LIPA: variants seen among roughly 807,000 people sequenced by gnomAD.
The protein encoded by LIPA is lysosomal acid lipase/cholesteryl ester hydrolase.
A neutral mutation model predicts 40.6 loss-of-function variants in LIPA; 26 were observed. The ratio of observed to expected loss-of-function variants is 0.64; its 90% CI spans 0.47 to 0.89. LIPA has a LOEUF of 0.89. LIPA is among the 40% of genes least tolerant of loss of function. The pLI is 0.00. For missense variants in LIPA, 455 were observed against 479.6 expected (o/e 0.95, Z 0.48); for synonymous variants, 188 against 168.4 (o/e 1.12, Z -0.90).
At chr10:89,286,471 C>T (rs539402614) in intron 1 of LIPA, among the ~76,000 whole-genome samples, 1 of 152,328 alleles carries the variant, frequency 6.6e-6, no homozygotes, top group Admixed American at 6.5e-5. Flanking sequence ...CCCTCCCGGA[C>T]CTGCCCAGCA....
chr10:89,383,141 G>A (rs1056682420), intron 2 of LIPA, among the ~76,000 whole-genome samples: 2 of 152,172 alleles, frequency 1.3e-5, no homozygotes, highest in Non-Finnish European at 2.9e-5. Context: ...TTTCCCCTTG[G>A]TTTTTATGTC....
chr10:89,316,852 G>A (rs935673377), intron 1 of LIPA, among the ~76,000 whole-genome samples: 2 of 152,128 alleles, frequency 1.3e-5, no homozygotes, highest in African/African-American at 2.4e-5. Flanking sequence ...CACCTCATAC[G>A]GCAGAGTGCA....
At chr10:89,354,297 C>T (rs1027484449) in intron 2 of LIPA, among the ~76,000 whole-genome samples, 6 of 152,284 alleles carry the variant, frequency 3.9e-5, no homozygotes, top group South Asian at 4.1e-4. Flanking sequence ...ACCAAATCAA[C>T]GTACATCTTA....
intron 1 of LIPA, among the ~76,000 whole-genome samples, chr10:89,300,663 G>A (rs955563495): frequency 2.6e-5 from 4 of 152,300 alleles, no homozygotes; most frequent in South Asian, 4.1e-4. Context: ...GAATGTCAGA[G>A]GAGATAAAGT....
intron 3 of LIPA, among the ~76,000 whole-genome samples, chr10:89,232,157 C>T (rs1320414208): frequency 6.6e-6 from 1 of 152,106 alleles, no homozygotes; most frequent in Non-Finnish European, 1.5e-5. Flanking sequence ...CTACAGGCAC[C>T]ATCATCATCT....
At chr10:89,371,891 G>T (rs947601246) in intron 2 of LIPA, among the ~76,000 whole-genome samples, 1 of 152,110 alleles carries the variant, frequency 6.6e-6, no homozygotes, top group South Asian at 2.1e-4. Flanking sequence ...GGACAAGATC[G>T]TGTCCTTTGC....
At chr10:89,264,719 T>C (rs535382495) in intron 1 of LIPA, among the ~76,000 whole-genome samples, 1 of 152,314 alleles carries the variant, frequency 6.6e-6, no homozygotes, top group South Asian at 2.1e-4. Context: ...TGCTGATTGG[T>C]CCATGGGCGG....
At chr10:89,247,717 A>T in intron 1 of LIPA, 68 bp from the exon 2 acceptor site, 1 of 1,098,534 alleles carries the variant, frequency 9.1e-7, no homozygotes, top group Non-Finnish European at 1.4e-6. Flanking sequence ...TGGTAACTTA[A>T]TGCTCCCACA....
intron 1 of LIPA, among the ~76,000 whole-genome samples, chr10:89,266,678 TA>T (rs952981946): frequency 3.3e-5 from 5 of 152,280 alleles, no homozygotes; most frequent in Non-Finnish European, 5.9e-5. Context: ...GGGGGCTTTA[TA>T]AAAAAATGTT....
At chr10:89,383,636 T>A (rs145516804) in intron 2 of LIPA, 2 of 1,614,094 alleles carry the variant, frequency 1.2e-6, no homozygotes, top group East Asian at 4.5e-5. Context: ...TATTACCACA[T>A]GGGCAGATTG....
chr10:89,382,680 A>G (rs1442271792), intron 2 of LIPA, among the ~76,000 whole-genome samples: 1 of 152,226 alleles, frequency 6.6e-6, no homozygotes, highest in East Asian at 1.9e-4. Flanking sequence ...TGTCCCCATC[A>G]GTAAGGCTGC....
At chr10:89,358,942 AAATTATTGAGATGATGGACATCCC>A (rs1245559873) in intron 2 of LIPA, among the ~76,000 whole-genome samples, 1 of 152,260 alleles carries the variant, frequency 6.6e-6, no homozygotes, top group Non-Finnish European at 1.5e-5. Flanking sequence ...AAGAAAAAAT[AAATTATTGAGATGATGGACATCCC>A]AATTACCCTG....
chr10:89,395,639 C>T (rs1320583585), intron 2 of LIPA, among the ~76,000 whole-genome samples: 1 of 152,098 alleles, frequency 6.6e-6, no homozygotes, highest in Non-Finnish European at 1.5e-5. Flanking sequence ...AACAAGTTTC[C>T]TATAAAAGGG....
intron 2 of LIPA, among the ~76,000 whole-genome samples, chr10:89,353,197 T>A (rs1483396131): frequency 2.0e-5 from 3 of 152,150 alleles, no homozygotes; most frequent in Non-Finnish European, 2.9e-5. Context: ...CATCTCCCAA[T>A]AGAAATACCT....
At chr10:89,355,202 G>A (rs202060704) in intron 2 of LIPA, among the ~76,000 whole-genome samples, 21 of 152,158 alleles carry the variant, frequency 1.4e-4, no homozygotes, top group African/African-American at 5.1e-4. Flanking sequence ...TTCAGTCTCC[G>A]CTCCTCCCCA....
intron 1 of LIPA, among the ~76,000 whole-genome samples, chr10:89,294,915 C>T (rs1484064357): frequency 2.0e-5 from 3 of 151,178 alleles, no homozygotes; most frequent in Middle Eastern, 3.2e-3. Context: ...GAGGTCAAGG[C>T]GACAGTGAGC....
At chr10:89,304,274 C>T (rs1843463824) in intron 1 of LIPA, among the ~76,000 whole-genome samples, 1 of 138,096 alleles carries the variant, frequency 7.2e-6, no homozygotes, top group Non-Finnish European at 1.5e-5. Context: ...GGTGCGGGAG[C>T]CCCGGAGAGT....
chr10:89,392,548 A>T, intron 2 of LIPA: 2 of 395,922 alleles, frequency 5.1e-6, no homozygotes, highest in Non-Finnish European at 8.6e-6. Flanking sequence ...TCCAACTTGC[A>T]AGGACACACC....
intron 1 of LIPA, chr10:89,291,907 T>C (rs551778395): frequency 6.6e-6 from 1 of 152,328 alleles, no homozygotes; most frequent in South Asian, 2.1e-4. Context: ...CCTAATAGAA[T>C]GTGAGTGAAT....
Sources: gnomAD v4.1 joint callset for allele counts (sites outside exome capture counted in the v4.1 genomes callset) on GRCh38, gnomAD v4.1.1 for gene constraint, MANE v1.5 for transcripts, NCBI Gene and HGNC (gene_info 2026-07-23, HGNC 2026-07-21) for gene names.